The following ANKH variants were observed in gnomAD, a reference collection of about 807,000 sequenced individuals.
The protein encoded by ANKH is ANKH inorganic pyrophosphate transport regulator, also known as mineralization regulator ANKH.
A neutral mutation model predicts 49.0 loss-of-function variants in ANKH; 15 were observed. That is an observed-to-expected ratio of 0.31 (90% CI 0.20 to 0.47). The LOEUF (loss-of-function observed/expected upper bound fraction) is 0.47. Among genes scored for constraint, ANKH ranks in the 20% least tolerant of loss-of-function variants. ANKH has a pLI of 1.00. For synonymous variants in ANKH, 273 were observed against 260.0 expected, an observed-to-expected ratio of 1.05 and a Z score of -0.48; for missense variants, 429 against 652.0, an observed-to-expected ratio of 0.66 and a Z score of 3.72.
At chr5:14,819,871 TAACAACAAC>T (rs199545884) in intron 1 of ANKH, among the ~76,000 whole-genome samples, 7 of 145,896 alleles carry the variant, frequency 4.8e-5, no homozygotes, top group African/African-American at 1.0e-4. Context: ...GTCTCAACAA[TAACAACAAC>T]AACAACAACA....
rs147110154 is a variant in ANKH, at chr5:14,788,080, G to A, written c.97-18889C>T. The stretch of plus-strand genomic sequence containing the variant: ...TGAAGGCATTGAGTCCAGTCTGCTG[G>A]GTCCAAGAAGGCTTCTTGGAGCCCT... On this transcript the variant is annotated intron_variant, in intron 1 of 11. Transcript: ENST00000284268. The A allele has an allele frequency of 2.6e-5, 4 of 152,202 alleles. No individual in the cohort carries two copies. In the East Asian group the frequency reaches 7.7e-4, roughly 29 times the overall value. The allele number at this position is 152,202 out of a possible 1,614,324, so 9.4% of individuals were successfully genotyped here. A position where few individuals can be genotyped will look rare whatever the true frequency, so the allele number is the denominator to read the frequency against.
chr5:14,759,756 T>C (rs1739013843), intron 2 of ANKH, among the ~76,000 whole-genome samples: 1 of 134,180 alleles, frequency 7.5e-6, no homozygotes, highest in African/African-American at 2.9e-5. Flanking sequence ...GACCCTGTCT[T>C]TATAAGAAAG....
intron 11 of ANKH, 123 bp downstream of exon 11, chr5:14,712,751 G>T: frequency 2.1e-6 from 2 of 961,422 alleles, no homozygotes; most frequent in Non-Finnish European, 1.6e-6. Context: ...CACGAGACTG[G>T]GCAGTGTCAC....
At chr5:14,746,646 AG>A (rs1369374722) in intron 6 of ANKH, among the ~76,000 whole-genome samples, 1 of 152,244 alleles carries the variant, frequency 6.6e-6, no homozygotes, top group Non-Finnish European at 1.5e-5. Context: ...TCTAGTCCCC[AG>A]GCAAGAAGGA....
chr5:14,795,598 C>G (rs1740348265), intron 1 of ANKH, among the ~76,000 whole-genome samples: 1 of 152,226 alleles, frequency 6.6e-6, no homozygotes, highest in Admixed American at 6.5e-5. Context: ...CCTGTAATCC[C>G]AGCACTTTGG....
intron 1 of ANKH, among the ~76,000 whole-genome samples, chr5:14,846,984 G>A (rs1246863816): frequency 3.8e-5 from 5 of 132,392 alleles, no homozygotes; most frequent in African/African-American, 5.6e-5. Flanking sequence ...GTCCAGCCTG[G>A]GAAACAGTGT....
intron 1 of ANKH, among the ~76,000 whole-genome samples, chr5:14,828,799 G>A (rs1258285197): frequency 2.6e-5 from 4 of 152,154 alleles, no homozygotes; most frequent in African/African-American, 7.2e-5. Flanking sequence ...AGAGGGAGAA[G>A]AACAAGCTAG....
intron 1 of ANKH, chr5:14,797,950 C>A: frequency 6.3e-7 from 1 of 1,578,086 alleles, no homozygotes; most frequent in Non-Finnish European, 8.7e-7. Context: ...TAGTCAAAGA[C>A]AAGAATATCA....
In ANKH at chr5:14,713,106, C is replaced by G; in HGVS notation, c.1266-133G>C. ...AGCGGCGTTCTCCATCTGCTGGCTT[C>G]GTAAGGGCCGCAGCTAATAACCTAA... On this transcript the variant is annotated intron_variant, in intron 10 of 11. Transcript: ENST00000284268. This position sits in a 1 kb window ranked among gnomAD's most constrained non-coding sequence, Gnocchi z 4.4. 1.1e-6 allele frequency: 1 copy of G among 873,482 alleles called. No individual in the cohort carries two copies. Among genetic ancestry groups the G allele is most frequent in the Non-Finnish European group, 1.8e-6 (1 of 544,664 alleles). 54.1% of individuals were successfully genotyped at this position (873,482 alleles called of 1,614,324 possible).
At chr5:14,791,703 C>T (rs1009835322) in intron 1 of ANKH, among the ~76,000 whole-genome samples, 2 of 152,084 alleles carry the variant, frequency 1.3e-5, no homozygotes, top group Non-Finnish European at 2.9e-5. Context: ...GCAAAGAATG[C>T]CAGTTTTGCA....
chr5:14,871,536 C>CGGGGCGCGGGCCGACAG lies in ANKH; in HGVS notation c.-106_-90dup. 1 of 984,166 alleles carries CGGGGCGCGGGCCGACAG rather than the reference C, an allele frequency of 1.0e-6. No homozygotes were observed. The highest frequency in any genetic ancestry group is 1.7e-5 in the South Asian group (1 of 60,442). The allele number at this position is 984,166 out of a possible 1,614,324, so 61.0% of individuals were successfully genotyped here. A position where few individuals can be genotyped will look rare whatever the true frequency, so the allele number is the denominator to read the frequency against. On this transcript the variant is annotated 5_prime_UTR_variant, in exon 1 of 12. Coordinates refer to ENST00000284268, the MANE Select transcript of ANKH (RefSeq NM_054027.6). Reference sequence around the variant, plus strand: ...AGGGGCGACGGGGCGACGGGGCGAGCGGGGCGCGGGCCGACAGAGGCCGCG... The same window carrying CGGGGCGCGGGCCGACAG: ...AGGGGCGACGGGGCGACGGGGCGAGCGGGGCGCGGGCCGACAGGGGGCGCGGGCCGACAGAGGCCGCG...
intron 1 of ANKH, among the ~76,000 whole-genome samples, chr5:14,858,763 TA>T (rs1346124635): frequency 6.3e-5 from 9 of 142,134 alleles, no homozygotes; most frequent in East Asian, 4.1e-4. Flanking sequence ...ATAAATAAAA[TA>T]AAATAAAATA....
At chr5:14,768,136 T>C (rs1291973592) in intron 2 of ANKH, 2 of 152,256 alleles carry the variant, frequency 1.3e-5, no homozygotes, top group South Asian at 2.1e-4. Context: ...TTAGCTGCCA[T>C]GCAAACACAC....
At chr5:14,800,659 GT>G (rs879748405) in intron 1 of ANKH, among the ~76,000 whole-genome samples, 1 of 151,056 alleles carries the variant, frequency 6.6e-6, no homozygotes, top group East Asian at 1.9e-4. Flanking sequence ...TATATACACT[GT>G]TTTTTAAGTC....
Position 14,713,650 on chromosome 5 carries a change from G to A in ANKH, c.1159C>T (p.Leu387Phe). 1.2e-6 allele frequency: 2 copies of A among 1,614,116 alleles called. No homozygotes were observed. Among genetic ancestry groups the A allele is most frequent in the South Asian group, 2.2e-5 (2 of 91,082 alleles). The change falls in exon 10 of 12, where the codon CTC becomes TTC. Residue 387 changes from leucine (L) to phenylalanine (F), a missense_variant. Coordinates refer to ENST00000284268, the MANE Select transcript of ANKH (RefSeq NM_054027.6). This position sits in a 1 kb window ranked among gnomAD's most constrained non-coding sequence, Gnocchi z 4.4. ...TTCAGTGTCATCAGCCACCCGGTGA[G>A]ATGCGCCCTCACTGTGACTGTTGGG... ...FPVPVTVRAHLTGWLMTLKKT... is the reference protein window; with the variant it reads ...FPVPVTVRAHFTGWLMTLKKT...
At chr5:14,727,104 CAT>C (rs1049756928) in intron 8 of ANKH, among the ~76,000 whole-genome samples, 46 of 152,236 alleles carry the variant, frequency 3.0e-4, no homozygotes, top group African/African-American at 1.1e-3. Flanking sequence ...AGTTGGCTAA[CAT>C]AGGGGTAGCA....
intron 2 of ANKH, among the ~76,000 whole-genome samples, chr5:14,758,956 C>T (rs76382733): frequency 0.017 from 2,583 of 152,236 alleles, 63 homozygotes; most frequent in African/African-American, 0.059. Flanking sequence ...TGAGAGTTTG[C>T]TTGGTATCAG....
intron 6 of ANKH, among the ~76,000 whole-genome samples, chr5:14,746,602 A>G (rs904862255): frequency 1.3e-5 from 2 of 152,198 alleles, no homozygotes; most frequent in African/African-American, 4.8e-5. Context: ...CATAATTTCT[A>G]ATCTTGTGGC....
intron 7 of ANKH, among the ~76,000 whole-genome samples, chr5:14,742,970 A>G (rs1348050736): frequency 6.6e-6 from 1 of 152,148 alleles, no homozygotes; most frequent in African/African-American, 2.4e-5. Flanking sequence ...TCGACTCACA[A>G]AAACAAACCC....
Sources: allele counts gnomAD v4.1 joint callset (sites outside exome capture counted in the v4.1 genomes callset), GRCh38; gene constraint gnomAD v4.1.1; non-coding constraint Gnocchi (gnomAD v3.1); transcripts MANE v1.5; gene names NCBI Gene and HGNC (gene_info 2026-07-23, HGNC 2026-07-21).